The following SCCPDH variants were observed in gnomAD, a reference collection of about 807,000 sequenced individuals.
SCCPDH encodes the protein saccharopine dehydrogenase-like oxidoreductase.
In SCCPDH, 34 loss-of-function variants were observed where a neutral mutation model predicts 51.5. That is an observed-to-expected ratio of 0.66 (90% CI 0.50 to 0.88). The LOEUF (loss-of-function observed/expected upper bound fraction) is 0.88, where lower values mean the gene tolerates loss of function less well. SCCPDH is among the 40% of genes least tolerant of loss of function. The pLI, the probability that SCCPDH is intolerant of heterozygous loss-of-function variation, is 0.00. For missense variants in SCCPDH, 464 were observed against 527.1 expected (o/e 0.88, Z 1.17); for synonymous variants, 187 against 191.3 (o/e 0.98, Z 0.19).
chr1:246,740,156 A>G lies in SCCPDH; in HGVS notation c.385-16A>G. ...TTCTGCATAACTAATTAAAATTCTT[A>G]TCCTGGATTTTTTAGTTTCTGGAAC... On this transcript the variant is annotated splice_polypyrimidine_tract_variant and intron_variant, in intron 3 of 11. Coordinates refer to ENST00000366510, the MANE Select transcript of SCCPDH (RefSeq NM_016002.3). The G allele has an allele frequency of 6.4e-7, 1 of 1,554,918 alleles. No individual in the cohort carries two copies. Among genetic ancestry groups the G allele is most frequent in the Non-Finnish European group, 8.8e-7 (1 of 1,141,282 alleles).
intron 5 of SCCPDH, among the ~76,000 whole-genome samples, chr1:246,750,990 G>A (rs1668843863): frequency 6.6e-6 from 1 of 152,226 alleles, no homozygotes; most frequent in Non-Finnish European, 1.5e-5. Flanking sequence ...ATGGCGTGGG[G>A]CCCCCAGTGG....
At chr1:246,762,566 G>C (rs1285851137) in intron 9 of SCCPDH, among the ~76,000 whole-genome samples, 1 of 152,168 alleles carries the variant, frequency 6.6e-6, no homozygotes, top group South Asian at 2.1e-4. Flanking sequence ...TCATGGCCGG[G>C]CGCAGTGGCT....
chr1:246,729,753 T>C (rs562693350), intron 2 of SCCPDH, among the ~76,000 whole-genome samples: 9 of 152,298 alleles, frequency 5.9e-5, no homozygotes, highest in African/African-American at 2.2e-4. Flanking sequence ...ACAGTATTGA[T>C]TGGGGAAGTG....
intron 2 of SCCPDH, among the ~76,000 whole-genome samples, chr1:246,733,286 C>T (rs530871698): frequency 6.6e-6 from 1 of 151,666 alleles, no homozygotes; most frequent in East Asian, 1.9e-4. Flanking sequence ...AGGGTTTTGC[C>T]CTGTTGCCCA....
chr1:246,733,718 T>C (rs1668528195), intron 2 of SCCPDH, among the ~76,000 whole-genome samples: 1 of 152,140 alleles, frequency 6.6e-6, no homozygotes, highest in South Asian at 2.1e-4. Flanking sequence ...GTCTGCTAGA[T>C]ACCTTGCATC....
rs549848587 is a variant in SCCPDH, at chr1:246,729,939, T to C, written c.303+2935T>C. Among the ~76,000 whole-genome samples, 207 of 152,350 alleles carry C rather than the reference T, an allele frequency of 1.4e-3. 1 individual carries two copies. The highest frequency in any genetic ancestry group is 4.4e-3 in the African/African-American group (184 of 41,570). Reference sequence around the variant, plus strand: ...TCTGTTCGGGGTCCCTGACTTCCTGTAACACTTTATGTTTACAATTACACA... The same window carrying C: ...TCTGTTCGGGGTCCCTGACTTCCTGCAACACTTTATGTTTACAATTACACA... On this transcript the variant is annotated intron_variant, in intron 2 of 11. Coordinates refer to ENST00000366510, the MANE Select transcript of SCCPDH (RefSeq NM_016002.3).
intron 4 of SCCPDH, among the ~76,000 whole-genome samples, chr1:246,743,287 T>C (rs1668706983): frequency 6.6e-6 from 1 of 152,012 alleles, no homozygotes; most frequent in African/African-American, 2.4e-5. Context: ...TGGCTAATTT[T>C]TTTAAAAAAA....
intron 9 of SCCPDH, among the ~76,000 whole-genome samples, chr1:246,760,547 T>C (rs1476142625): frequency 1.5e-4 from 21 of 139,748 alleles, no homozygotes; most frequent in Admixed American, 8.1e-4. Flanking sequence ...TCAAATATTC[T>C]TCTTCCTCCA....
intron 4 of SCCPDH, among the ~76,000 whole-genome samples, chr1:246,743,364 C>G (rs1490556671): frequency 2.6e-5 from 4 of 152,090 alleles, no homozygotes; most frequent in Non-Finnish European, 5.9e-5. Flanking sequence ...GTGGGCAGAT[C>G]ACAAGGTCAG....
intron 10 of SCCPDH, 72 bp downstream of exon 10, chr1:246,764,429 A>T: frequency 1.3e-6 from 1 of 742,100 alleles, no homozygotes; most frequent in South Asian, 2.1e-5. Flanking sequence ...TGCCATTACA[A>T]TATATTCTTT....
At position 246,724,451 on chromosome 1, in the gene SCCPDH, T is replaced by C; in HGVS notation, c.29T>C (p.Leu10Pro). 1 of 1,589,350 alleles carries C rather than the reference T, an allele frequency of 6.3e-7. No individual in the cohort carries two copies. The highest frequency in any genetic ancestry group is 8.5e-7 in the Non-Finnish European group (1 of 1,170,592). ...GCGACCGAGCAGAGGCCTTTCCACC[T>C]GGTGGTGTTCGGCGCGTCTGGCTTC... is the stretch of plus-strand genomic sequence containing the variant. MATEQRPFH[L>P]VVFGASGFTG... Residue 10 changes from leucine to proline, a missense_variant, in exon 1 of 12, where the codon CTG (leucine) becomes CCG (proline). Transcript: ENST00000366510.
intron 2 of SCCPDH, among the ~76,000 whole-genome samples, chr1:246,728,056 A>G (rs939050007): frequency 6.6e-6 from 1 of 152,134 alleles, no homozygotes; most frequent in Non-Finnish European, 1.5e-5. Context: ...GCTGAGAAGT[A>G]GTTAGGTCCA....
At chr1:246,755,323 A>G (rs1668914120) in intron 5 of SCCPDH, among the ~76,000 whole-genome samples, 1 of 152,228 alleles carries the variant, frequency 6.6e-6, no homozygotes, top group Non-Finnish European at 1.5e-5. Context: ...ATGTATGTGG[A>G]AACTCAAAGG....
chr1:246,728,647 G>T (rs1040976945), intron 2 of SCCPDH, among the ~76,000 whole-genome samples: 2 of 151,962 alleles, frequency 1.3e-5, no homozygotes, highest in African/African-American at 4.8e-5. Context: ...TTAGTATCCC[G>T]TCTCTCTTTC....
intron 5 of SCCPDH, 54 bp downstream of exon 5, chr1:246,744,179 G>A (rs1668721746): frequency 4.7e-6 from 5 of 1,061,494 alleles, no homozygotes; most frequent in East Asian, 4.8e-5. Flanking sequence ...AAAATATTTT[G>A]GAAATGATAC....
intron 2 of SCCPDH, among the ~76,000 whole-genome samples, chr1:246,732,151 G>A (rs1668502088): frequency 6.6e-6 from 1 of 152,150 alleles, no homozygotes; most frequent in Non-Finnish European, 1.5e-5. Flanking sequence ...TGAGGCAGGA[G>A]GAAAGGTGAC....
At chr1:246,761,998 C>A (rs1669023418) in intron 9 of SCCPDH, among the ~76,000 whole-genome samples, 1 of 152,208 alleles carries the variant, frequency 6.6e-6, no homozygotes, top group South Asian at 2.1e-4. Flanking sequence ...CACCGTTTTA[C>A]CTTCCCACAA....
At chr1:246,751,971 C>A (rs941588369) in intron 5 of SCCPDH, among the ~76,000 whole-genome samples, 1 of 149,750 alleles carries the variant, frequency 6.7e-6, no homozygotes, top group Non-Finnish European at 1.5e-5. Context: ...TTAGTAGAGA[C>A]GGGCTTTCAC....
In SCCPDH at chr1:246,735,988, G is replaced by T; in HGVS notation, c.317G>T (p.Gly106Val). The T allele has an allele frequency of 6.2e-7, 1 of 1,610,950 alleles. No homozygotes were observed. Among genetic ancestry groups the T allele is most frequent in the South Asian group, 1.1e-5 (1 of 90,880 alleles). ...TTGTTTCCCTAGTATCGGTTTTATGGAGAACCTGTAATAAAAGCATGTATT... is the reference window on the plus strand; with the variant it reads ...TTGTTTCCCTAGTATCGGTTTTATGTAGAACCTGTAATAAAAGCATGTATT... The part of the protein sequence containing the change: ...LNCVGPYRFY[G>V]EPVIKACIEN... Residue 106 changes from glycine to valine, a missense_variant, in exon 3 of 12, where the codon GGA (glycine) becomes GTA (valine). Transcript: ENST00000366510.
Sources: gnomAD v4.1 joint callset for allele counts (sites outside exome capture counted in the v4.1 genomes callset) on GRCh38, gnomAD v4.1.1 for gene constraint, MANE v1.5 for transcripts, NCBI Gene and HGNC (gene_info 2026-07-23, HGNC 2026-07-21) for gene names.